Variants in METTL27 observed in about 807,000 individuals in gnomAD.
METTL27 encodes methyltransferase-like protein 27.
Under a neutral mutation model 24.5 loss-of-function variants are expected in METTL27, and 29 were observed. The ratio of observed to expected loss-of-function variants is 1.18; its 90% confidence interval spans 0.88 to 1.61. METTL27 has a LOEUF of 1.61. Ranked by LOEUF, METTL27 falls within the 40% of genes most tolerant of loss-of-function variation. The pLI is 0.00. For synonymous variants in METTL27, 138 were observed against 146.8 expected (o/e 0.94, Z 0.43); for missense variants, 341 against 324.3 (o/e 1.05, Z -0.40).
intron 5 of METTL27, among the ~76,000 whole-genome samples, chr7:73,837,220 A>G (rs1257787384): frequency 1.4e-5 from 2 of 143,388 alleles, no homozygotes; most frequent in South Asian, 2.2e-4. Flanking sequence ...CCTTCCCTCC[A>G]CTATTGTCCT....
At chr7:73,837,818 T>C (rs1788250569) in intron 5 of METTL27, among the ~76,000 whole-genome samples, 1 of 152,056 alleles carries the variant, frequency 6.6e-6, no homozygotes, top group South Asian at 2.1e-4. Flanking sequence ...CGCTGGGGAT[T>C]ATAAGCGTGA....
chr7:73,841,446 G>T (rs1345386380), intron 2 of METTL27, among the ~76,000 whole-genome samples: 5 of 151,756 alleles, frequency 3.3e-5, no homozygotes, highest in Admixed American at 3.3e-4. Context: ...CTGGCCAAGC[G>T]GCTCTCTCTG....
chr7:73,836,502 C>G (rs1329949235), intron 5 of METTL27, among the ~76,000 whole-genome samples: 40 of 125,842 alleles, frequency 3.2e-4, no homozygotes, highest in Non-Finnish European at 4.1e-4. Context: ...CCCCTCTGCC[C>G]GGCCAGCCGC....
chr7:73,841,755 G>A (rs893628921), intron 2 of METTL27, among the ~76,000 whole-genome samples: 4 of 152,102 alleles, frequency 2.6e-5, no homozygotes, highest in Middle Eastern at 3.2e-3. Context: ...TTAGGATTAC[G>A]GCTTGTGAGC....
intron 1 of METTL27, 147 bp downstream of exon 1, chr7:73,842,343 G>A (rs370569885): frequency 3.6e-6 from 3 of 837,846 alleles, no homozygotes. Flanking sequence ...TGCAGGGCTG[G>A]GGGAAGGGCA....
rs1240383948 is a variant in METTL27 at position 73,838,975 on chromosome 7, CCT to C, written c.478+1054_478+1055del. Among the ~76,000 whole-genome samples the C allele has an allele frequency of 1.2e-4, 18 of 152,210 alleles. 1 individual carries two copies. The highest frequency in any genetic ancestry group is 9.8e-4 in the Admixed American group (15 of 15,276). On this transcript the variant is annotated intron_variant, in intron 5 of 5. Transcript: ENST00000297873. ...GATTCCTCACCTGGTCTTGGAAATG[CCT>C]CTCTTCTCTACATTCATGGAGCAGG...
rs74936197 is a variant in METTL27, at chr7:73,840,131, G to GT, written c.389-12dup. ...CCGCGTCGAAGGTCCCTGTGTGTGT[G>GT]TGGGGGGGGGTGGGGACATGGTGTG... On this transcript the variant is annotated splice_polypyrimidine_tract_variant and intron_variant, in intron 4 of 5. Transcript: ENST00000297873. 42 of 1,462,718 alleles carry GT rather than the reference G, an allele frequency of 2.9e-5. No individual in the cohort carries two copies. The highest frequency in any genetic ancestry group is 3.7e-5 in the Non-Finnish European group (40 of 1,079,760). 90.6% of individuals were successfully genotyped at this position (1,462,718 alleles called of 1,614,324 possible). A position where few individuals can be genotyped will look rare whatever the true frequency, so the allele number is the denominator to read the frequency against.
rs73369964 is a variant in METTL27 at position 73,840,060 on chromosome 7, G to T, written c.449C>A (p.Ala150Glu). The change falls in exon 5 of 6, where the codon GCG (alanine) becomes GAG (glutamate). Residue 150 changes from alanine (A) to glutamate (E), a missense_variant. Transcript: ENST00000297873. ...ALSDGQVPCN[A>E]IPELHVTKPG... Reference sequence around the variant, plus strand: ...CTTGGTGACATGTAGCTCAGGTATCGCATTGCAGGGCACCTGGCCGTCACT... The same window carrying T: ...CTTGGTGACATGTAGCTCAGGTATCTCATTGCAGGGCACCTGGCCGTCACT... 3.7e-6 allele frequency: 6 copies of T among 1,611,654 alleles called. No homozygotes were observed. The highest frequency in any genetic ancestry group is 3.3e-5 in the South Asian group (3 of 90,872).
chr7:73,839,664 T>G, intron 5 of METTL27: 1 of 209,424 alleles, frequency 4.8e-6, no homozygotes, highest in Non-Finnish European at 9.5e-6. Flanking sequence ...GAGCCCTCAC[T>G]GTGGGTCAGG....
chr7:73,837,200 T>C (rs1171098744), intron 5 of METTL27, among the ~76,000 whole-genome samples: 56 of 142,892 alleles, frequency 3.9e-4, no homozygotes, highest in African/African-American at 1.3e-3. Context: ...TTCACTTGTT[T>C]AGCTGCTGAC....
At chr7:73,841,709 C>T (rs1438443666) in intron 2 of METTL27, among the ~76,000 whole-genome samples, 1 of 152,144 alleles carries the variant, frequency 6.6e-6, no homozygotes, top group South Asian at 2.1e-4. Context: ...AACTCCTGAC[C>T]TCAGGTGATC....
chr7:73,834,671 A>C lies in METTL27; in HGVS notation c.*72T>G. ...AGGTCCCATTTTACAGGGGAGGCAGAGGAGGCCCAGCAGATGGGCCCAGCT... is the reference window on the plus strand; with the variant it reads ...AGGTCCCATTTTACAGGGGAGGCAGCGGAGGCCCAGCAGATGGGCCCAGCT... On this transcript the variant is annotated 3_prime_UTR_variant, in exon 6 of 6. Coordinates refer to ENST00000297873, the MANE Select transcript of METTL27 (RefSeq NM_152559.3). The C allele has an allele frequency of 1.4e-6, 2 of 1,395,056 alleles. No homozygotes were observed. Among genetic ancestry groups the C allele is most frequent in the Non-Finnish European group, 2.0e-6 (2 of 1,012,614 alleles). The allele number at this position is 1,395,056 out of a possible 1,614,324, so 86.4% of individuals were successfully genotyped here. A position where few individuals can be genotyped will look rare whatever the true frequency, so the allele number is the denominator to read the frequency against.
At chr7:73,840,175 G>A in intron 4 of METTL27, 55 bp from the exon 5 acceptor site, 16 of 1,556,762 alleles carry the variant, frequency 1.0e-5, no homozygotes, top group Non-Finnish European at 1.4e-5. Context: ...AAGGTACTTT[G>A]TCTATGGTGT....
chr7:73,842,170 C>G, intron 1 of METTL27, 26 bp from the exon 2 acceptor site: 1 of 1,584,586 alleles, frequency 6.3e-7, no homozygotes, highest in East Asian at 2.3e-5. Context: ...TGCCCTGTCT[C>G]GAGGTCCACC....
Position 73,841,120 on chromosome 7 carries a change from T to C in METTL27, c.202A>G (p.Ser68Gly). 7 of 1,535,666 alleles carry C rather than the reference T, an allele frequency of 4.6e-6. No homozygotes were observed. Among genetic ancestry groups the C allele is most frequent in the Non-Finnish European group, 6.1e-6 (7 of 1,151,838 alleles). ...LTQALPGPPHSALILDVACGT... is the reference protein window; with the variant it reads ...LTQALPGPPHGALILDVACGT... Reference sequence around the variant, plus strand: ...CAGGCCACGTCCAGGATCAGGGCACTGTGGGGCGGGCCTGGAAGGGCTTGT... The same window carrying C: ...CAGGCCACGTCCAGGATCAGGGCACCGTGGGGCGGGCCTGGAAGGGCTTGT... Residue 68 changes from serine to glycine, a missense_variant, in exon 3 of 6, where the codon AGT becomes GGT. Transcript: ENST00000297873.
rs1479097374 is a variant in METTL27 at position 73,840,105 on chromosome 7, ACCGCGTCGAAGGT to A, written c.391_403del (p.Thr131CysfsTer2). On this transcript the variant is annotated frameshift_variant and splice_region_variant, in exon 5 of 6. Transcript: ENST00000297873. LOFTEE classifies it high-confidence loss of function. ...GTCACTGAGGGCACCGACTATCAGC[ACCGCGTCGAAGGT>A]CCCTGTGTGTGTGTGGGGGGGGGTG... 1 of 1,378,722 alleles carries A rather than the reference ACCGCGTCGAAGGT, an allele frequency of 7.3e-7. No homozygotes were observed. Among genetic ancestry groups the A allele is most frequent in the African/African-American group, 1.6e-5 (1 of 61,650 alleles). The allele number at this position is 1,378,722 out of a possible 1,614,324, so 85.4% of individuals were successfully genotyped here. A position where few individuals can be genotyped will look rare whatever the true frequency, so the allele number is the denominator to read the frequency against.
chr7:73,836,862 A>AT (rs1246006475), intron 5 of METTL27, among the ~76,000 whole-genome samples: 1 of 102,766 alleles, frequency 9.7e-6, no homozygotes, highest in Non-Finnish European at 2.2e-5. Flanking sequence ...TGGGGAAAAG[A>AT]TTGAGAAATC....
At chr7:73,840,144 G>T in intron 4 of METTL27, 24 bp from the exon 5 acceptor site, 1 of 1,407,252 alleles carries the variant, frequency 7.1e-7, no homozygotes, top group Non-Finnish European at 9.8e-7. Flanking sequence ...GGGGGGGGTG[G>T]GGACATGGTG....
chr7:73,841,637 C>T (rs1316787278), intron 2 of METTL27, among the ~76,000 whole-genome samples: 1 of 152,058 alleles, frequency 6.6e-6, no homozygotes, highest in East Asian at 1.9e-4. Flanking sequence ...CCACGTGGGC[C>T]TGGCTAATTT....
Sources: allele counts gnomAD v4.1 joint callset (sites outside exome capture counted in the v4.1 genomes callset), GRCh38; gene constraint gnomAD v4.1.1; transcripts MANE v1.5; gene names NCBI Gene and HGNC (gene_info 2026-07-23, HGNC 2026-07-21).